The following KLHL5 variants were observed in gnomAD, a reference collection of about 807,000 sequenced individuals.
The protein encoded by KLHL5 is kelch-like protein 5.
KLHL5 carries 48 observed loss-of-function variants against 77.7 expected under a neutral mutation model. That is an observed-to-expected ratio of 0.62 (90% CI 0.49 to 0.79). The LOEUF (loss-of-function observed/expected upper bound fraction) is 0.79. Ranked by LOEUF, KLHL5 falls within the 30% of genes least tolerant of loss-of-function variation. The pLI is 0.00. For missense variants in KLHL5, 723 were observed against 859.7 expected, an observed-to-expected ratio of 0.84 and a Z score of 1.99; for synonymous variants, 260 against 297.0, an observed-to-expected ratio of 0.88 and a Z score of 1.28.
At chr4:39,070,284 C>T (rs1718352402) in intron 1 of KLHL5, among the ~76,000 whole-genome samples, 1 of 152,092 alleles carries the variant, frequency 6.6e-6, no homozygotes, top group Non-Finnish European at 1.5e-5. Flanking sequence ...GGTTTTATTA[C>T]CGTAAGAAGG....
chr4:39,057,741 C>T (rs143156413), upstream of KLHL5, among the ~76,000 whole-genome samples: 49 of 151,982 alleles, frequency 3.2e-4, no homozygotes, highest in Non-Finnish European at 2.4e-4. Flanking sequence ...TTTTTTAATG[C>T]AGTGCATATC....
intron 5 of KLHL5, 53 bp downstream of exon 5, chr4:39,086,780 G>GA: frequency 7.6e-7 from 1 of 1,307,888 alleles, no homozygotes; most frequent in Non-Finnish European, 1.1e-6. Context: ...TTCTATCAAA[G>GA]AAAATAATTG....
intron 1 of KLHL5, among the ~76,000 whole-genome samples, chr4:39,064,563 G>A (rs1717718612): frequency 6.6e-6 from 1 of 151,984 alleles, no homozygotes; most frequent in South Asian, 2.1e-4. Context: ...CTCTTAACAT[G>A]TTATCTACTA....
intron 5 of KLHL5, among the ~76,000 whole-genome samples, chr4:39,094,956 A>AAG (rs147770892): frequency 0.018 from 2,745 of 152,288 alleles, 85 homozygotes; most frequent in African/African-American, 0.062. Context: ...GCAAAAAGAC[A>AAG]AGACTTTGTA....
upstream of KLHL5, among the ~76,000 whole-genome samples, chr4:39,057,778 T>G (rs964207121): frequency 3.3e-5 from 5 of 152,166 alleles, no homozygotes; most frequent in Non-Finnish European, 7.4e-5. Context: ...AGAAATAGAT[T>G]TATTAAAATT....
At chr4:39,136,317 G>A in the KLHL5 span, among the ~76,000 whole-genome samples, 1 of 151,960 alleles carries the variant, frequency 6.6e-6, no homozygotes, top group Non-Finnish European at 1.5e-5. Context: ...CCACCACCAA[G>A]TCTGGCTAAT....
Position 39,093,489 on chromosome 4 carries a change from C to T in KLHL5, c.1114-3203C>T, listed in dbSNP as rs150182292. Reference sequence around the variant, plus strand: ...TACTTTGAATGGATAAATTAGGACACGTAAAATATGCCCCAATAAAATTGT... The same window carrying T: ...TACTTTGAATGGATAAATTAGGACATGTAAAATATGCCCCAATAAAATTGT... On this transcript the variant is annotated intron_variant, in intron 5 of 10. Coordinates refer to ENST00000504108, the MANE Select transcript of KLHL5 (RefSeq NM_015990.5). The T allele has an allele frequency of 1.1e-3, 513 of 451,982 alleles. 3 individuals carry two copies. The highest frequency in any genetic ancestry group is 9.6e-3 in the African/African-American group (477 of 49,914). 28.0% of individuals were successfully genotyped at this position (451,982 alleles called of 1,614,324 possible). A position where few individuals can be genotyped will look rare whatever the true frequency, so the allele number is the denominator to read the frequency against.
intron 1 of KLHL5, chr4:39,063,813 C>T (rs1446784020): frequency 5.9e-6 from 1 of 169,670 alleles, no homozygotes; most frequent in East Asian, 1.4e-4. Context: ...TTCATAGTGA[C>T]TTTATCTACC....
chr4:39,049,897 C>A (rs1476450338), intron 1 of KLHL5, among the ~76,000 whole-genome samples: 1 of 151,764 alleles, frequency 6.6e-6, no homozygotes, highest in Non-Finnish European at 1.5e-5. Context: ...CATGGTGAAA[C>A]CACATCTCTA....
intron 4 of KLHL5, 97 bp downstream of exon 4, chr4:39,082,256 C>A: frequency 2.0e-6 from 2 of 1,001,848 alleles, no homozygotes; most frequent in Non-Finnish European, 2.9e-6. Context: ...CATGGCTCTG[C>A]CACGTGTCTT....
chr4:39,081,032 G>A lies in KLHL5; in HGVS notation c.567-71G>A. 1.4e-6 allele frequency: 2 copies of A among 1,443,656 alleles called. No homozygotes were observed. Among genetic ancestry groups the A allele is most frequent in the Non-Finnish European group, 1.9e-6 (2 of 1,062,056 alleles). 89.4% of individuals were successfully genotyped at this position (1,443,656 alleles called of 1,614,324 possible). ...ACTGTGAGTAACAAATAAAAAAGAAGCAGCAGCATTTATTAATGAACATCA... is the reference window on the plus strand; with the variant it reads ...ACTGTGAGTAACAAATAAAAAAGAAACAGCAGCATTTATTAATGAACATCA... On this transcript the variant is annotated intron_variant, in intron 2 of 10. Transcript: ENST00000504108. This position sits in a 1 kb window ranked among gnomAD's most constrained non-coding sequence, Gnocchi z 4.3.
chr4:39,118,825 G>T (rs1577753405), intron 10 of KLHL5, among the ~76,000 whole-genome samples: 2 of 152,070 alleles, frequency 1.3e-5, no homozygotes, highest in African/African-American at 4.8e-5. Flanking sequence ...CTTGGGAAAA[G>T]ATGAGAATTT....
intron 4 of KLHL5, among the ~76,000 whole-genome samples, chr4:39,085,789 T>C (rs1719985011): frequency 6.6e-6 from 1 of 152,184 alleles, no homozygotes; most frequent in African/African-American, 2.4e-5. Context: ...TTTCCACCTT[T>C]GGTCCTTTTT....
chr4:39,080,618 T>C (rs887412386), intron 2 of KLHL5, among the ~76,000 whole-genome samples: 6 of 151,700 alleles, frequency 4.0e-5, no homozygotes, highest in African/African-American at 7.2e-5. Flanking sequence ...AAAATATAGT[T>C]TTATAGTGTT....
At chr4:39,103,595 G>C in intron 7 of KLHL5, 84 bp downstream of exon 7, 1 of 1,085,626 alleles carries the variant, frequency 9.2e-7, no homozygotes, top group East Asian at 2.4e-5. Flanking sequence ...GAGGACCCGT[G>C]TGGCAGCCAC....
the KLHL5 span, among the ~76,000 whole-genome samples, chr4:39,134,423 T>C: frequency 6.6e-6 from 1 of 152,220 alleles, no homozygotes; most frequent in South Asian, 2.1e-4. Flanking sequence ...TATTCCCAGT[T>C]AATGATACGC....
intron 6 of KLHL5, among the ~76,000 whole-genome samples, chr4:39,103,082 A>C (rs1721734571): frequency 6.6e-6 from 1 of 151,892 alleles, no homozygotes; most frequent in African/African-American, 2.4e-5. Context: ...ACCTTTTCTT[A>C]CTGGGGCCTG....
At chr4:39,139,368 G>A in the KLHL5 span, among the ~76,000 whole-genome samples, 3 of 152,010 alleles carry the variant, frequency 2.0e-5, no homozygotes, top group South Asian at 2.1e-4. Context: ...TAAAAAGATC[G>A]GTGGGCACTA....
At chr4:39,090,057 T>C (rs934882171) in intron 5 of KLHL5, among the ~76,000 whole-genome samples, 5 of 152,324 alleles carry the variant, frequency 3.3e-5, no homozygotes, top group Non-Finnish European at 7.3e-5. Context: ...ATTAGAGTTA[T>C]CAAGTAATAA....
Sources: allele counts gnomAD v4.1 joint callset (sites outside exome capture counted in the v4.1 genomes callset), GRCh38; gene constraint gnomAD v4.1.1; non-coding constraint Gnocchi (gnomAD v3.1); transcripts MANE v1.5; gene names NCBI Gene and HGNC (gene_info 2026-07-23, HGNC 2026-07-21).